TRPC4AP: variants seen among roughly 807,000 people sequenced by gnomAD.
The protein encoded by TRPC4AP is transient receptor potential cation channel subfamily C member 4 associated protein.
In TRPC4AP, 45 loss-of-function variants were observed where a neutral mutation model predicts 99.0. That is an observed-to-expected ratio of 0.45 (90% CI 0.36 to 0.58). The LOEUF (loss-of-function observed/expected upper bound fraction) is 0.58. Ranked by LOEUF, TRPC4AP falls within the 20% of genes least tolerant of loss-of-function variation. The probability of loss-of-function intolerance (pLI) is 0.00; values close to 1 mark genes in which losing one functional copy is unlikely to be tolerated. For missense variants in TRPC4AP, 879 were observed against 985.3 expected (o/e 0.89, Z 1.44); for synonymous variants, 408 against 385.8 (o/e 1.06, Z -0.67).
intron 1 of TRPC4AP, among the ~76,000 whole-genome samples, chr20:35,089,802 C>A (rs570473666): frequency 1.3e-5 from 2 of 151,898 alleles, no homozygotes; most frequent in Non-Finnish European, 2.9e-5. Context: ...ACCGAGATTG[C>A]GCCACTGCAC....
Position 35,075,089 on chromosome 20 carries a change from T to TC in TRPC4AP, c.297+2956_297+2957insG, listed in dbSNP as rs147340492. Reference sequence around the variant, plus strand: ...AGACTAGGATTGCAACCCCTGCTTTTTTTTTTGTTTTCCACTTGCTTGGTA... The same window carrying TC: ...AGACTAGGATTGCAACCCCTGCTTTTCTTTTTTGTTTTCCACTTGCTTGGTA... On this transcript the variant is annotated intron_variant, in intron 2 of 18. Transcript: ENST00000252015. Among the ~76,000 whole-genome samples, 16 of 152,092 alleles carry TC rather than the reference T, an allele frequency of 1.1e-4. No individual in the cohort carries two copies. The East Asian group carries it at 3.1e-3, about 29-fold the overall frequency.
chr20:35,047,960 A>G (rs888219104), intron 6 of TRPC4AP, among the ~76,000 whole-genome samples: 31 of 152,152 alleles, frequency 2.0e-4, no homozygotes, highest in African/African-American at 7.5e-4. Flanking sequence ...AAAAAAAAAG[A>G]GGATATTCTG....
intron 2 of TRPC4AP, among the ~76,000 whole-genome samples, chr20:35,070,916 A>G (rs904277153): frequency 1.3e-5 from 2 of 152,364 alleles, no homozygotes; most frequent in East Asian, 1.9e-4. Context: ...TAAGTTTCAA[A>G]TAAGTACTTA....
intron 14 of TRPC4AP, among the ~76,000 whole-genome samples, chr20:35,007,182 A>T (rs867934036): frequency 2.0e-4 from 30 of 152,348 alleles, no homozygotes; most frequent in Middle Eastern, 3.4e-3. Flanking sequence ...CATATGAAAA[A>T]ATCTGAAAGA....
chr20:35,009,415 G>A (rs1379625554), intron 12 of TRPC4AP, among the ~76,000 whole-genome samples: 1 of 152,088 alleles, frequency 6.6e-6, no homozygotes, highest in African/African-American at 2.4e-5. Context: ...TGGACTTTGG[G>A]AGGCTCACTT....
chr20:35,013,286 C>T (rs2082678840), intron 10 of TRPC4AP, among the ~76,000 whole-genome samples: 1 of 152,070 alleles, frequency 6.6e-6, no homozygotes, highest in Non-Finnish European at 1.5e-5. Context: ...CCATCACACT[C>T]AATAAAAAAT....
At chr20:35,017,057 TCAGA>T (rs1339213214) in intron 9 of TRPC4AP, among the ~76,000 whole-genome samples, 2 of 152,146 alleles carry the variant, frequency 1.3e-5, no homozygotes, top group African/African-American at 4.8e-5. Flanking sequence ...GAATTTACAC[TCAGA>T]CAGATCCATA....
chr20:35,010,044 C>T (rs2082597965), intron 12 of TRPC4AP, 143 bp downstream of exon 12: 1 of 651,742 alleles, frequency 1.5e-6, no homozygotes, highest in East Asian at 2.8e-5. Flanking sequence ...GAATACAATG[C>T]CTGGCACACA....
intron 7 of TRPC4AP, among the ~76,000 whole-genome samples, chr20:35,035,859 T>C (rs1330354724): frequency 6.6e-6 from 1 of 152,212 alleles, no homozygotes. Flanking sequence ...TGAATTTAAT[T>C]TTCTTCAAAA....
At chr20:35,056,130 C>T (rs759021804) in intron 4 of TRPC4AP, among the ~76,000 whole-genome samples, 1 of 152,238 alleles carries the variant, frequency 6.6e-6, no homozygotes, top group African/African-American at 2.4e-5. Flanking sequence ...AACGCAGACG[C>T]TCTGCATCCC....
rs1193926730 is a variant in TRPC4AP, at chr20:35,002,848, A to G, written c.*298T>C. ...ACAGCCAAGAAACCGGCAGGAGCTC[A>G]CACAGAGCTAATGCTAAATGTCCTC... On this transcript the variant is annotated 3_prime_UTR_variant, in exon 19 of 19. Coordinates refer to ENST00000252015, the MANE Select transcript of TRPC4AP (RefSeq NM_015638.3). The G allele has an allele frequency of 3.3e-6, 1 of 298,736 alleles. No individual in the cohort carries two copies. Among genetic ancestry groups the G allele is most frequent in the African/African-American group, 2.2e-5 (1 of 46,118 alleles). 18.5% of individuals were successfully genotyped at this position (298,736 alleles called of 1,614,324 possible).
At chr20:35,090,376 G>GTTTTTTT (rs1166491454) in intron 1 of TRPC4AP, among the ~76,000 whole-genome samples, 1 of 35,072 alleles carries the variant, frequency 2.9e-5, no homozygotes, top group African/African-American at 1.4e-4. Context: ...TATCTGGTGA[G>GTTTTTTT]CTTTTTTTTT....
In TRPC4AP at chr20:35,046,514, A is replaced by G. The variant is rs143995730; in HGVS notation, c.658-1802T>C. Among the ~76,000 whole-genome samples, 830 of 152,316 alleles carry G rather than the reference A, an allele frequency of 5.4e-3. 6 individuals are homozygous for G. The highest frequency in any genetic ancestry group is 9.2e-3 in the Non-Finnish European group (624 of 68,032). Reference sequence around the variant, plus strand: ...CAAATAATCTGACCATACTTTGATGAAGGCATATATCCTACCCTTTCTCCT... The same window carrying G: ...CAAATAATCTGACCATACTTTGATGGAGGCATATATCCTACCCTTTCTCCT... On this transcript the variant is annotated intron_variant, in intron 6 of 18. Coordinates refer to ENST00000252015, the MANE Select transcript of TRPC4AP (RefSeq NM_015638.3).
In TRPC4AP at chr20:35,003,067, G is replaced by A. The variant is rs1016007774; in HGVS notation, c.*79C>T. 2.4e-5 allele frequency: 37 copies of A among 1,570,432 alleles called. No individual in the cohort carries two copies. Among genetic ancestry groups the A allele is most frequent in the East Asian group, 4.5e-5 (2 of 44,468 alleles). ...CAGGCAGAGAGCAGCAGGGAGGAAC[G>A]GGAACAGGGCAGGGCGTGTGGCATC... On this transcript the variant is annotated 3_prime_UTR_variant, in exon 19 of 19. Coordinates refer to ENST00000252015, the MANE Select transcript of TRPC4AP (RefSeq NM_015638.3).
At position 35,086,519 on chromosome 20, in the gene TRPC4AP, G is replaced by GTATA. The variant is rs1179723943; in HGVS notation, c.168+6091_168+6094dup. Among the ~76,000 whole-genome samples, 38 of 33,502 alleles carry GTATA rather than the reference G, an allele frequency of 1.1e-3. 4 individuals carry two copies. Among genetic ancestry groups the GTATA allele is most frequent in the East Asian group, 3.2e-3 (3 of 932 alleles). The allele number at this position is 33,502 out of a possible 152,430, so 22.0% of individuals were successfully genotyped here. A position where few individuals can be genotyped will look rare whatever the true frequency, so the allele number is the denominator to read the frequency against. ...TATGTGTATATATATGTGTGTGTGT[G>GTATA]TATATATGTGTGTGTGTGTGTGTGT... On this transcript the variant is annotated intron_variant, in intron 1 of 18. Coordinates refer to ENST00000252015, the MANE Select transcript of TRPC4AP (RefSeq NM_015638.3).
chr20:35,006,793 C>A (rs1250599459), intron 14 of TRPC4AP, among the ~76,000 whole-genome samples: 1 of 152,234 alleles, frequency 6.6e-6, no homozygotes, highest in Non-Finnish European at 1.5e-5. Context: ...GCAGCACAAT[C>A]TCTCCCCTGC....
chr20:35,060,585 C>CA (rs35143678), intron 3 of TRPC4AP, among the ~76,000 whole-genome samples: 2,529 of 69,800 alleles, frequency 0.036, 47 homozygotes, highest in Non-Finnish European at 0.048. Flanking sequence ...ACCTTGTCTC[C>CA]AAAAAAAAAA....
At chr20:35,068,596 A>ACGGCAACCTCTGCCTCC (rs2084206437) in intron 3 of TRPC4AP, among the ~76,000 whole-genome samples, 1 of 152,068 alleles carries the variant, frequency 6.6e-6, no homozygotes, top group East Asian at 1.9e-4. Context: ...ATCTTGGCTC[A>ACGGCAACCTCTGCCTCC]CGGCAACCTC....
intron 1 of TRPC4AP, among the ~76,000 whole-genome samples, chr20:35,086,476 TA>T: frequency 8.4e-6 from 1 of 119,384 alleles, no homozygotes; most frequent in Non-Finnish European, 1.7e-5. Flanking sequence ...TGTGTGTGTG[TA>T]TGTGTGTGTA....
Sources: allele counts gnomAD v4.1 joint callset (sites outside exome capture counted in the v4.1 genomes callset), GRCh38; gene constraint gnomAD v4.1.1; transcripts MANE v1.5; gene names NCBI Gene and HGNC (gene_info 2026-07-23, HGNC 2026-07-21).